CELF5: variants seen among roughly 807,000 people sequenced by gnomAD.
The protein encoded by CELF5 is CUG-BP and ETR-3 like factor 5.
A neutral mutation model predicts 54.9 loss-of-function variants in CELF5; 6 were observed. That is an observed-to-expected ratio of 0.11 (90% CI 0.06 to 0.22). The LOEUF is 0.22. CELF5 is among the 10% of genes least tolerant of loss of function. The pLI is 1.00. For missense variants in CELF5, 401 were observed against 678.6 expected (o/e 0.59, Z 4.54); for synonymous variants, 271 against 290.9 (o/e 0.93, Z 0.70).
chr19:3,293,506 C>A lies in CELF5; in HGVS notation c.*40+20C>A. 2 of 1,583,628 alleles carry A rather than the reference C, an allele frequency of 1.3e-6. No homozygotes were observed. ...GCCCAGGTGAGCCGCCAGGCGGCCC[C>A]ACCCCCGCCCAAGCCCCCCGTCTTG... On this transcript the variant is annotated intron_variant, in intron 12 of 12. Transcript: ENST00000292672.
At chr19:3,283,149 C>A (rs911738351) in intron 8 of CELF5, among the ~76,000 whole-genome samples, 1 of 152,182 alleles carries the variant, frequency 6.6e-6, no homozygotes, top group Non-Finnish European at 1.5e-5. Flanking sequence ...TGGATTCATT[C>A]ATTTATCCAT....
chr19:3,270,361 A>G (rs1278530857), intron 2 of CELF5, among the ~76,000 whole-genome samples: 1 of 151,338 alleles, frequency 6.6e-6, no homozygotes. Context: ...GGAGGGAGGG[A>G]GTGCACTCGG....
intron 2 of CELF5, among the ~76,000 whole-genome samples, chr19:3,261,111 G>T (rs1257918891): frequency 6.6e-6 from 1 of 152,040 alleles, no homozygotes; most frequent in South Asian, 2.1e-4. Context: ...TACAGATCAA[G>T]GGTTGCTGAT....
intron 1 of CELF5, among the ~76,000 whole-genome samples, chr19:3,229,738 G>T (rs1917156521): frequency 1.3e-5 from 2 of 152,206 alleles, no homozygotes; most frequent in Admixed American, 6.5e-5. Flanking sequence ...GTGGGAGCGG[G>T]CTTGTTACAT....
At chr19:3,243,325 G>C (rs771021262) in intron 1 of CELF5, among the ~76,000 whole-genome samples, 1 of 152,102 alleles carries the variant, frequency 6.6e-6, no homozygotes, top group Admixed American at 6.6e-5. Flanking sequence ...GCTGGAGCCA[G>C]GCTGGAACAC....
At chr19:3,273,828 C>T in intron 2 of CELF5, 44 bp from the exon 3 acceptor site, 1 of 1,452,694 alleles carries the variant, frequency 6.9e-7, no homozygotes, top group Non-Finnish European at 9.7e-7. Context: ...CCTGCCACAC[C>T]CCCACTGCTA....
chr19:3,296,867 C>T lies in CELF5; in HGVS notation c.*150C>T, dbSNP rs1403111023. The T allele has an allele frequency of 6.6e-6, 1 of 152,052 alleles. No homozygotes were observed. Among genetic ancestry groups the T allele is most frequent in the African/African-American group, 2.4e-5 (1 of 41,384 alleles). 9.4% of individuals were successfully genotyped at this position (152,052 alleles called of 1,614,324 possible). On this transcript the variant is annotated 3_prime_UTR_variant, in exon 13 of 13. Coordinates refer to ENST00000292672, the MANE Select transcript of CELF5 (RefSeq NM_021938.4). ...ACCAACACACACACAGAAGAGAAAG[C>T]AAAGAACTTGGAACTTTGGGTTGAC...
intron 1 of CELF5, among the ~76,000 whole-genome samples, chr19:3,226,887 T>C (rs954134271): frequency 6.6e-6 from 1 of 152,066 alleles, no homozygotes; most frequent in Non-Finnish European, 1.5e-5. Context: ...GTTTCCCTGC[T>C]GTCAACAGAG....
At chr19:3,256,920 C>T (rs1490158658) in intron 2 of CELF5, among the ~76,000 whole-genome samples, 7 of 152,010 alleles carry the variant, frequency 4.6e-5, no homozygotes, top group Non-Finnish European at 8.8e-5. Flanking sequence ...GGTTGGAGTG[C>T]AGTGGCACAA....
At chr19:3,286,729 C>A (rs55926246) in intron 10 of CELF5, 1 of 50,818 alleles carries the variant, frequency 2.0e-5, no homozygotes. Context: ...AAGACTCCAT[C>A]TCAAAAAAAA....
intron 2 of CELF5, among the ~76,000 whole-genome samples, chr19:3,271,906 G>A (rs2079971762): frequency 6.6e-6 from 1 of 152,112 alleles, no homozygotes; most frequent in African/African-American, 2.4e-5. Context: ...GGCAGTGGGT[G>A]GACAGATCAC....
intron 1 of CELF5, among the ~76,000 whole-genome samples, chr19:3,244,487 CGGTGTGCATGCATCTGTGT>C (rs1388388710): frequency 1.8e-4 from 21 of 117,768 alleles, no homozygotes; most frequent in Non-Finnish European, 2.8e-4. Flanking sequence ...TCTGTGTGTG[CGGTGTGCATGCATCTGTGT>C]GGTGTGCATG....
Position 3,293,309 on chromosome 19 carries a change from G to C in CELF5, c.1331-10G>C. On this transcript the variant is annotated splice_polypyrimidine_tract_variant and intron_variant, in intron 11 of 12. Coordinates refer to ENST00000292672, the MANE Select transcript of CELF5 (RefSeq NM_021938.4). ...GCGCCAACCACGGAGGTCCACCCTG[G>C]TTTCTGCAGGCTTCGTGAGCTTTGA... The C allele has an allele frequency of 6.2e-7, 1 of 1,613,976 alleles. No individual in the cohort carries two copies. Among genetic ancestry groups the C allele is most frequent in the Non-Finnish European group, 8.5e-7 (1 of 1,179,914 alleles).
In CELF5 at chr19:3,282,221, C is replaced by T. The variant is rs758522093; in HGVS notation, c.846C>T (p.Ala282=). The change falls in exon 7 of 13, where the codon GCC becomes GCT. Residue 282 remains alanine, a synonymous_variant. Coordinates refer to ENST00000292672, the MANE Select transcript of CELF5 (RefSeq NM_021938.4). This position sits in a 1 kb window ranked among gnomAD's most constrained non-coding sequence, Gnocchi z 5.2. ...FSPCHIQQIG[A]VSLNGLPATP... is the part of the protein sequence containing the mutation. The stretch of plus-strand genomic sequence containing the variant: ...CCTGTCACATCCAGCAGATAGGCGC[C>T]GTCAGCCTCAACGGGCTGCCTGCCA... The T allele has an allele frequency of 7.4e-6, 12 of 1,613,608 alleles. No homozygotes were observed. The East Asian group carries it at 8.9e-5, about 12-fold the overall frequency.
rs1202665295 is a variant in CELF5, at chr19:3,230,149, A to G, written c.259+5151A>G. Reference sequence around the variant, plus strand: ...CTTCTTGAAAACCTTCTGTGGCCTTACCTCGTACTGAGCAAGAGGGGTCTG... The same window carrying G: ...CTTCTTGAAAACCTTCTGTGGCCTTGCCTCGTACTGAGCAAGAGGGGTCTG... On this transcript the variant is annotated intron_variant, in intron 1 of 12. Transcript: ENST00000292672. Among the ~76,000 whole-genome samples, 3 of 151,930 alleles carry G rather than the reference A, an allele frequency of 2.0e-5. No individual in the cohort carries two copies. The South Asian group carries it at 6.2e-4, about 32-fold the overall frequency.
chr19:3,237,064 G>A (rs998397127), intron 1 of CELF5, among the ~76,000 whole-genome samples: 1 of 150,342 alleles, frequency 6.7e-6, no homozygotes, highest in Non-Finnish European at 1.5e-5. Flanking sequence ...TGTAATCCCA[G>A]CACTTTGGGA....
At chr19:3,288,759 G>T (rs1207146504) in intron 10 of CELF5, among the ~76,000 whole-genome samples, 1 of 152,034 alleles carries the variant, frequency 6.6e-6, no homozygotes, top group Non-Finnish European at 1.5e-5. Context: ...AAAGTGGGGG[G>T]ATTGCTTGAA....
Position 3,278,417 on chromosome 19 carries a change from A to G in CELF5, c.603+307A>G, listed in dbSNP as rs2080091826. ...TGGGTGTGAGTGTGCCCGAGACTGC[A>G]TGCATGTGTGTGTGTGAGTGCGTGT... On this transcript the variant is annotated intron_variant, in intron 5 of 12. Transcript: ENST00000292672. The surrounding 1 kb of genome is among the most constrained non-coding windows in gnomAD (Gnocchi z 4.5). Among the ~76,000 whole-genome samples, 1 of 151,548 alleles carries G rather than the reference A, an allele frequency of 6.6e-6. No homozygotes were observed. Among genetic ancestry groups the G allele is most frequent in the Admixed American group, 6.6e-5 (1 of 15,196 alleles).
intron 1 of CELF5, among the ~76,000 whole-genome samples, chr19:3,246,996 C>T (rs1160134766): frequency 1.3e-5 from 2 of 152,194 alleles, no homozygotes; most frequent in Admixed American, 6.5e-5. Context: ...CACATTGATA[C>T]GTGATGCGCA....
Sources: gnomAD v4.1 joint callset for allele counts (sites outside exome capture counted in the v4.1 genomes callset) on GRCh38, gnomAD v4.1.1 for gene constraint, Gnocchi (gnomAD v3.1) non-coding constraint, MANE v1.5 for transcripts, NCBI Gene and HGNC (gene_info 2026-07-23, HGNC 2026-07-21) for gene names.